Variants in RIPOR2 observed in about 807,000 individuals in gnomAD.
RIPOR2 encodes the protein rho family-interacting cell polarization regulator 2.
In RIPOR2, 39 loss-of-function variants were observed where a neutral mutation model predicts 114.5. The ratio of observed to expected loss-of-function variants is 0.34; its 90% CI spans 0.26 to 0.44. RIPOR2 has a LOEUF of 0.44. Ranked by LOEUF, RIPOR2 falls within the 20% of genes least tolerant of loss-of-function variation. RIPOR2 has a pLI of 1.00. For missense variants in RIPOR2, 1,007 were observed against 1,255.1 expected (o/e 0.80, Z 2.99); for synonymous variants, 445 against 484.4 (o/e 0.92, Z 1.07).
At chr6:24,807,865 A>G (rs1780877489) in intron 21 of RIPOR2, among the ~76,000 whole-genome samples, 2 of 152,170 alleles carry the variant, frequency 1.3e-5, no homozygotes, top group Non-Finnish European at 2.9e-5. Flanking sequence ...ATCAATTCCT[A>G]TTGAAAATAC....
At chr6:24,940,371 A>G (rs1228311707), upstream of RIPOR2, among the ~76,000 whole-genome samples, 1 of 152,190 alleles carries the variant, frequency 6.6e-6, no homozygotes, top group Admixed American at 6.5e-5. Flanking sequence ...AAAGTGTTTT[A>G]AAATACTTAA....
chr6:24,877,650 T>C (rs1473181818), intron 1 of RIPOR2, among the ~76,000 whole-genome samples: 1 of 152,170 alleles, frequency 6.6e-6, no homozygotes, highest in Non-Finnish European at 1.5e-5. Context: ...CACAAGGAAA[T>C]AGCACTCAAA....
chr6:24,876,743 G>A (rs1004895156), intron 1 of RIPOR2, among the ~76,000 whole-genome samples: 2 of 152,176 alleles, frequency 1.3e-5, no homozygotes, highest in African/African-American at 4.8e-5. Context: ...TCGGGGGGAA[G>A]GTAAGAGGAA....
intron 1 of RIPOR2, among the ~76,000 whole-genome samples, chr6:25,008,933 A>G (rs997525047): frequency 2.0e-5 from 3 of 152,242 alleles, no homozygotes; most frequent in Admixed American, 6.5e-5. Flanking sequence ...TGGGAAACTA[A>G]GCAGGGAGAG....
intron 13 of RIPOR2, 197 bp from the exon 14 acceptor site, chr6:24,839,469 G>A: frequency 7.0e-7 from 1 of 1,428,734 alleles, no homozygotes; most frequent in Non-Finnish European, 9.4e-7. Context: ...ACAATATCTG[G>A]GACTGGTTGC....
At chr6:24,895,826 T>C (rs1767811923) in intron 1 of RIPOR2, among the ~76,000 whole-genome samples, 1 of 151,758 alleles carries the variant, frequency 6.6e-6, no homozygotes. Flanking sequence ...CTGTCTCTAC[T>C]AAAAAATACA....
At chr6:25,004,712 G>C (rs1775472719) in intron 1 of RIPOR2, among the ~76,000 whole-genome samples, 1 of 152,144 alleles carries the variant, frequency 6.6e-6, no homozygotes, top group South Asian at 2.1e-4. Flanking sequence ...TGTATGGGTT[G>C]TTTTTGGAGA....
chr6:24,872,025 A>C (rs1455561290), intron 4 of RIPOR2, among the ~76,000 whole-genome samples: 3 of 152,186 alleles, frequency 2.0e-5, no homozygotes, highest in Non-Finnish European at 4.4e-5. Flanking sequence ...ATTTGAGCAC[A>C]TTTCCTACAA....
intron 15 of RIPOR2, 97 bp downstream of exon 15, chr6:24,835,606 G>A: frequency 7.8e-7 from 1 of 1,285,292 alleles, no homozygotes. Flanking sequence ...TCTTATTCCT[G>A]AATTCTCATT....
At chr6:24,972,512 G>A (rs1429049061) in intron 1 of RIPOR2, among the ~76,000 whole-genome samples, 1 of 152,190 alleles carries the variant, frequency 6.6e-6, no homozygotes, top group East Asian at 1.9e-4. Context: ...CATTTACCCT[G>A]AAGAAGAGAG....
Position 25,035,703 on chromosome 6 carries a change from G to A in RIPOR2, c.76+6148C>T, listed in dbSNP as rs538653279. 9.2e-5 allele frequency among the ~76,000 whole-genome samples: 14 copies of A among 152,310 alleles called. No homozygotes were observed. In the South Asian group the frequency reaches 1.2e-3, roughly 14 times the overall value. Reference sequence around the variant, plus strand: ...GCCAGATAACAGGTGAGCCAGGACAGAAAGCTGATAGGAAGCTGGGCTGCT... The same window carrying A: ...GCCAGATAACAGGTGAGCCAGGACAAAAAGCTGATAGGAAGCTGGGCTGCT... On this transcript the variant is annotated intron_variant, in intron 1 of 13. Coordinates refer to the RIPOR2 transcript ENST00000510784.
At chr6:25,018,683 T>C (rs1776144427) in intron 1 of RIPOR2, among the ~76,000 whole-genome samples, 2 of 152,240 alleles carry the variant, frequency 1.3e-5, no homozygotes, top group Non-Finnish European at 1.5e-5. Context: ...TAGTAAGATC[T>C]CGATTAGATT....
At chr6:25,015,887 G>GGT (rs1561844518) in intron 1 of RIPOR2, 3 of 56,680 alleles carry the variant, frequency 5.3e-5, no homozygotes, top group African/African-American at 2.0e-4. Context: ...TAAAAACGCA[G>GGT]GTTTTTTGGT....
intron 1 of RIPOR2, among the ~76,000 whole-genome samples, chr6:24,956,530 T>G (rs1773051296): frequency 1.3e-5 from 2 of 152,248 alleles, no homozygotes; most frequent in Admixed American, 1.3e-4. Flanking sequence ...TCATTTGTGA[T>G]ATGCAAATAT....
chr6:24,933,132 T>C (rs924455636), intron 1 of RIPOR2, among the ~76,000 whole-genome samples: 2 of 152,236 alleles, frequency 1.3e-5, no homozygotes, highest in African/African-American at 4.8e-5. Context: ...AAGTTATTTA[T>C]AAACTGAAGT....
At chr6:24,838,577 A>C (rs1191276105) in intron 14 of RIPOR2, among the ~76,000 whole-genome samples, 1 of 152,112 alleles carries the variant, frequency 6.6e-6, no homozygotes, top group Non-Finnish European at 1.5e-5. Flanking sequence ...GGATCACCTG[A>C]GGTCAGGAGT....
rs373763894 is a variant in RIPOR2 at position 24,911,607 on chromosome 6, T to C, written c.61+24231A>G. On this transcript the variant is annotated intron_variant, in intron 1 of 21. Coordinates refer to ENST00000643898, the MANE Select transcript of RIPOR2 (RefSeq NM_001286445.3). ...GCTTTGGACACAGCTCTCATAAAGA[T>C]GGCAGAAAGAGAATTGTTTTTTATT... Among the ~76,000 whole-genome samples the C allele has an allele frequency of 7.9e-3, 1,196 of 152,250 alleles. 13 individuals carry two copies. The highest frequency in any genetic ancestry group is 8.0e-3 in the Non-Finnish European group (544 of 68,014).
At chr6:24,819,452 T>C (rs1029999571) in intron 19 of RIPOR2, among the ~76,000 whole-genome samples, 1 of 151,974 alleles carries the variant, frequency 6.6e-6, no homozygotes, top group Non-Finnish European at 1.5e-5. Flanking sequence ...CAGTTTGAGA[T>C]TTGCTGAGTT....
At chr6:25,027,233 G>A (rs1434598113) in intron 1 of RIPOR2, among the ~76,000 whole-genome samples, 1 of 152,160 alleles carries the variant, frequency 6.6e-6, no homozygotes, top group Non-Finnish European at 1.5e-5. Flanking sequence ...AATCGCGTAG[G>A]GGTGGATTCG....
Sources: gnomAD v4.1 joint callset for allele counts (sites outside exome capture counted in the v4.1 genomes callset) on GRCh38, gnomAD v4.1.1 for gene constraint, MANE v1.5 for transcripts, NCBI Gene and HGNC (gene_info 2026-07-23, HGNC 2026-07-21) for gene names.